Variants in HEATR5A observed in about 807,000 individuals in gnomAD.
HEATR5A encodes the protein HEAT repeat containing 5A.
In HEATR5A, 178 loss-of-function variants were observed where a neutral mutation model predicts 218.8. That is an observed-to-expected ratio of 0.81 (90% CI 0.72 to 0.92). The LOEUF is 0.92. Among genes scored for constraint, HEATR5A ranks in the 40% least tolerant of loss-of-function variants. The probability of loss-of-function intolerance (pLI) is 0.00; values close to 1 mark genes in which losing one functional copy is unlikely to be tolerated. For missense variants in HEATR5A, 2,420 were observed against 2,418.9 expected (o/e 1.00, Z -0.01); for synonymous variants, 864 against 871.6 (o/e 0.99, Z 0.15).
At position 31,293,497 on chromosome 14, in the gene HEATR5A, A is replaced by G; in HGVS notation, c.5949T>C (p.Asn1983=). The G allele has an allele frequency of 1.2e-6, 2 of 1,613,958 alleles. No individual in the cohort carries two copies. Among genetic ancestry groups the G allele is most frequent in the Non-Finnish European group, 1.7e-6 (2 of 1,179,844 alleles). Residue 1983 remains asparagine, a synonymous_variant, in exon 36 of 36, where the codon AAT becomes AAC. Coordinates refer to ENST00000543095, the MANE Select transcript of HEATR5A (RefSeq NM_015473.4). The stretch of plus-strand genomic sequence containing the variant: ...AATACTGAGGTCCAATTTGCATGAG[A>G]TTTTGTAGAGCAAAGTCATGTAAAT... ...MRNLHDFALQ[N]LMQIGPQYSS...
rs35947008 is a variant in HEATR5A, at chr14:31,301,808, CTTTTTTTTTT to C, written c.5464+477_5464+486del. 1.8e-4 allele frequency among the ~76,000 whole-genome samples: 15 copies of C among 82,520 alleles called. No homozygotes were observed. The East Asian group carries it at 2.0e-3, about 11-fold the overall frequency. 54.1% of individuals were successfully genotyped at this position (82,520 alleles called of 152,430 possible). Reference sequence around the variant, plus strand: ...GTGCCTGGCCCCAGAACACAGCTTTCTTTTTTTTTTTTTTTTTTTTTTTTTTTGAGACAGA... The same window carrying C: ...GTGCCTGGCCCCAGAACACAGCTTTCTTTTTTTTTTTTTTTTTGAGACAGA... On this transcript the variant is annotated intron_variant, in intron 33 of 35. Coordinates refer to ENST00000543095, the MANE Select transcript of HEATR5A (RefSeq NM_015473.4).
chr14:31,378,760 C>G (rs1228567622), intron 11 of HEATR5A, among the ~76,000 whole-genome samples: 1 of 141,626 alleles, frequency 7.1e-6, no homozygotes, highest in Non-Finnish European at 1.5e-5. Context: ...TGCACTCCAG[C>G]CTGGGTGACA....
Position 31,416,145 on chromosome 14 carries a change from T to C in HEATR5A, c.-75+4327A>G, listed in dbSNP as rs530144570. Among the ~76,000 whole-genome samples the C allele has an allele frequency of 2.0e-5, 3 of 152,074 alleles. No homozygotes were observed. In the South Asian group the frequency reaches 6.2e-4, roughly 32 times the overall value. ...TTTGTTTTTGTTTTTTGAGATGGAGTCTCGCTCTGTCGCCTAGGCTGCAGT... is the reference window on the plus strand; with the variant it reads ...TTTGTTTTTGTTTTTTGAGATGGAGCCTCGCTCTGTCGCCTAGGCTGCAGT... On this transcript the variant is annotated intron_variant, in intron 1 of 35. Transcript: ENST00000543095.
At chr14:31,390,319 AAT>A (rs1278985941) in intron 6 of HEATR5A, among the ~76,000 whole-genome samples, 1 of 152,072 alleles carries the variant, frequency 6.6e-6, no homozygotes, top group African/African-American at 2.4e-5. Flanking sequence ...CGAGTGATAT[AAT>A]ATGTCATGCT....
intron 22 of HEATR5A, among the ~76,000 whole-genome samples, chr14:31,335,506 T>C (rs1428576319): frequency 6.6e-6 from 1 of 152,128 alleles, no homozygotes; most frequent in Non-Finnish European, 1.5e-5. Context: ...AACATTTTAA[T>C]GTCCTGAGAA....
chr14:31,407,735 T>C (rs1197694686), intron 1 of HEATR5A, among the ~76,000 whole-genome samples: 1 of 151,986 alleles, frequency 6.6e-6, no homozygotes, highest in Non-Finnish European at 1.5e-5. Flanking sequence ...TTCAAACAAT[T>C]CTCCTGCCTC....
At chr14:31,406,828 A>G (rs1459520820) in intron 1 of HEATR5A, among the ~76,000 whole-genome samples, 1 of 151,994 alleles carries the variant, frequency 6.6e-6, no homozygotes, top group African/African-American at 2.4e-5. Context: ...GCATGGTAGC[A>G]TATCCCTGTA....
In HEATR5A at chr14:31,386,489, G is replaced by A. The variant is rs1490972174; in HGVS notation, c.1276C>T (p.Gln426Ter). The part of the protein sequence containing the change: ...ASQHMLVCAL[Q>*]ELGNLIHNLG... ...TTGTGTATGAGATTTCCAAGTTCTT[G>A]TAAAGCACAAACCAGCATATGTTGG... Residue 426 changes from glutamine (Q) to a stop codon, truncating the protein, a stop_gained, in exon 9 of 36, where the codon CAA becomes TAA. Transcript: ENST00000543095. LOFTEE classifies it high-confidence loss of function. 3.1e-6 allele frequency: 5 copies of A among 1,613,496 alleles called. No individual in the cohort carries two copies. The highest frequency in any genetic ancestry group is 4.2e-6 in the Non-Finnish European group (5 of 1,179,772).
Position 31,325,972 on chromosome 14 carries a change from G to A in HEATR5A, c.3547+191C>T. Reference sequence around the variant, plus strand: ...GGAAAAAGAGCAGGCTTAAGTATTGGATTTATATTGTTCAAATTACAGAGA... The same window carrying A: ...GGAAAAAGAGCAGGCTTAAGTATTGAATTTATATTGTTCAAATTACAGAGA... On this transcript the variant is annotated intron_variant, in intron 23 of 35. Coordinates refer to ENST00000543095, the MANE Select transcript of HEATR5A (RefSeq NM_015473.4). 3 of 609,216 alleles carry A rather than the reference G, an allele frequency of 4.9e-6. No individual in the cohort carries two copies. The South Asian group carries it at 6.0e-5, about 12-fold the overall frequency. The allele number at this position is 609,216 out of a possible 1,614,324, so 37.7% of individuals were successfully genotyped here.
chr14:31,331,983 CCTT>C (rs1206718972), intron 22 of HEATR5A, among the ~76,000 whole-genome samples: 2 of 152,166 alleles, frequency 1.3e-5, no homozygotes, highest in Non-Finnish European at 1.5e-5. Flanking sequence ...CAAACCATAT[CCTT>C]CTTCTTGGGA....
In HEATR5A at chr14:31,358,904, A is replaced by T; in HGVS notation, c.2225T>A (p.Ile742Asn). 6.3e-7 allele frequency: 1 copy of T among 1,596,820 alleles called. No homozygotes were observed. The highest frequency in any genetic ancestry group is 8.5e-7 in the Non-Finnish European group (1 of 1,173,864). ...AAAAAATGGCCATACCTGTTCTTCA[A>T]TAAATCTATGGTCAGTCTCTTGTAG... Reference protein sequence around the residue: ...PFLQETDHRFIEEQLLLGNGV... With the variant: ...PFLQETDHRFNEEQLLLGNGV... The change falls in exon 15 of 36, where the codon ATT becomes AAT. Residue 742 changes from isoleucine (I) to asparagine (N), a missense_variant. Physicochemically the swap from Ile to Asn is moderately radical, Grantham distance 149. Coordinates refer to ENST00000543095, the MANE Select transcript of HEATR5A (RefSeq NM_015473.4).
At chr14:31,399,779 G>C (rs148238407) in intron 3 of HEATR5A, among the ~76,000 whole-genome samples, 15 of 152,100 alleles carry the variant, frequency 9.9e-5, no homozygotes, top group Admixed American at 9.8e-4. Flanking sequence ...GCAGTGAGTC[G>C]AGATCACGCC....
At chr14:31,363,965 C>A (rs180846296) in intron 14 of HEATR5A, among the ~76,000 whole-genome samples, 1 of 152,168 alleles carries the variant, frequency 6.6e-6, no homozygotes, top group East Asian at 1.9e-4. Flanking sequence ...GAGAGTGAGA[C>A]CCTGTCTCAA....
chr14:31,298,067 G>A (rs974111834), intron 33 of HEATR5A, among the ~76,000 whole-genome samples: 6 of 151,992 alleles, frequency 3.9e-5, no homozygotes, highest in Admixed American at 6.6e-5. Flanking sequence ...TTTTACCTAG[G>A]ATAGATGCAC....
At chr14:31,296,839 A>G (rs988093158) in intron 33 of HEATR5A, 10 of 152,216 alleles carry the variant, frequency 6.6e-5, no homozygotes, top group Admixed American at 4.6e-4. Flanking sequence ...AAGAAATGAC[A>G]TATGTAGTAG....
intron 11 of HEATR5A, among the ~76,000 whole-genome samples, chr14:31,377,478 T>G (rs1902273390): frequency 6.6e-6 from 1 of 152,068 alleles, no homozygotes; most frequent in African/African-American, 2.4e-5. Flanking sequence ...ACTCTAAAAA[T>G]TGATAATAGC....
Position 31,293,403 on chromosome 14 carries a change from C to T in HEATR5A, c.6043G>A (p.Gly2015Ser). 6.2e-7 allele frequency: 1 copy of T among 1,613,850 alleles called. No individual in the cohort carries two copies. Among genetic ancestry groups the T allele is most frequent in the East Asian group, 2.2e-5 (1 of 44,880 alleles). ...TTGACTTTGACACTTTCCTGATTGC[C>T]CTTTATAGCAGCCTCAAGGCGGGCT... ...LKARLEAAIK[G>S]NQESVKVKIP... is the part of the protein sequence containing the mutation. Residue 2015 changes from glycine to serine, a missense_variant, in exon 36 of 36, where the codon GGC (glycine) becomes AGC (serine). Coordinates refer to ENST00000543095, the MANE Select transcript of HEATR5A (RefSeq NM_015473.4).
chr14:31,414,438 G>C (rs2031381144), intron 1 of HEATR5A, among the ~76,000 whole-genome samples: 1 of 152,134 alleles, frequency 6.6e-6, no homozygotes, highest in South Asian at 2.1e-4. Context: ...AAAAGTAAAA[G>C]AGCAAACCCA....
chr14:31,304,696 C>T (rs1181999384), intron 32 of HEATR5A, among the ~76,000 whole-genome samples: 2 of 152,170 alleles, frequency 1.3e-5, no homozygotes, highest in Non-Finnish European at 2.9e-5. Flanking sequence ...GGATTACAGG[C>T]GTGAGCCATT....
Sources: allele counts gnomAD v4.1 joint callset (sites outside exome capture counted in the v4.1 genomes callset), GRCh38; gene constraint gnomAD v4.1.1; transcripts MANE v1.5; gene names NCBI Gene and HGNC (gene_info 2026-07-23, HGNC 2026-07-21).